BMPER: variants seen among roughly 807,000 people sequenced by gnomAD.
BMPER encodes BMP-binding endothelial regulator protein.
BMPER carries 45 observed loss-of-function variants against 87.3 expected under a neutral mutation model. The ratio of observed to expected loss-of-function variants is 0.52; its 90% CI spans 0.41 to 0.66. BMPER has a LOEUF of 0.66. Ranked by LOEUF, BMPER falls within the 30% of genes least tolerant of loss-of-function variation. The probability of loss-of-function intolerance (pLI) is 0.00; values close to 1 mark genes in which losing one functional copy is unlikely to be tolerated. For synonymous variants in BMPER, 326 were observed against 316.2 expected (o/e 1.03, Z -0.33); for missense variants, 784 against 867.5 (o/e 0.90, Z 1.21).
intron 13 of BMPER, among the ~76,000 whole-genome samples, chr7:34,094,831 T>A (rs1419793977): frequency 5.9e-5 from 9 of 152,202 alleles, no homozygotes; most frequent in Non-Finnish European, 1.3e-4. Flanking sequence ...TCAGTCAAGG[T>A]CAATTTCATT....
chr7:33,974,908 C>T, intron 6 of BMPER, 124 bp downstream of exon 6: 1 of 966,642 alleles, frequency 1.0e-6, no homozygotes, highest in Non-Finnish European at 1.7e-6. Context: ...GTCCGTCCCT[C>T]CTGATGTGGA....
chr7:34,014,992 TA>T (rs1192693085), intron 6 of BMPER, among the ~76,000 whole-genome samples: 1 of 151,934 alleles, frequency 6.6e-6, no homozygotes, highest in Non-Finnish European at 1.5e-5. Context: ...TCCCTTCTTC[TA>T]GGGGGGAGGC....
At chr7:34,011,583 C>CAAAAAAAAAAAAAAAAAA (rs36022297) in intron 6 of BMPER, among the ~76,000 whole-genome samples, 4 of 45,762 alleles carry the variant, frequency 8.7e-5, no homozygotes, top group African/African-American at 2.6e-4. Flanking sequence ...TTGGTCAGGG[C>CAAAAAAAAAAAAAAAAAA]AAAAAAAAAA....
chr7:34,079,128 C>T lies in BMPER; in HGVS notation c.1350C>T (p.Arg450=). ...GCTCGCGCATCGCGCTCCCCTGCCG[C>T]GCGCCACACTTCCACATCGACCTGG... The part of the protein sequence containing the change: ...WNGSRIALPC[R]APHFHIDLDG... Residue 450 remains arginine (R), a synonymous_variant, in exon 12 of 15, where the codon CGC becomes CGT. Transcript: ENST00000649409. 1 of 1,613,926 alleles carries T rather than the reference C, an allele frequency of 6.2e-7. No individual in the cohort carries two copies. Among genetic ancestry groups the T allele is most frequent in the Non-Finnish European group, 8.5e-7 (1 of 1,179,960 alleles).
intron 6 of BMPER, among the ~76,000 whole-genome samples, chr7:34,030,981 G>A (rs1787504313): frequency 6.6e-6 from 1 of 151,466 alleles, no homozygotes; most frequent in Non-Finnish European, 1.5e-5. Context: ...GTGAATGTTG[G>A]CAGGTGTCAA....
chr7:34,109,773 CT>C (rs1450422097), intron 13 of BMPER, among the ~76,000 whole-genome samples: 4 of 152,186 alleles, frequency 2.6e-5, no homozygotes, highest in Non-Finnish European at 5.9e-5. Flanking sequence ...AATTCATTTT[CT>C]TTACTCCATT....
intron 12 of BMPER, among the ~76,000 whole-genome samples, chr7:34,084,279 C>T (rs576342870): frequency 3.9e-5 from 6 of 152,276 alleles, no homozygotes; most frequent in African/African-American, 4.8e-5. Flanking sequence ...CCAGCCTGGG[C>T]GACAGAGCAA....
chr7:33,933,445 T>G (rs1216264216), intron 2 of BMPER, among the ~76,000 whole-genome samples: 1 of 145,638 alleles, frequency 6.9e-6, no homozygotes, highest in Non-Finnish European at 1.5e-5. Context: ...GGTTAGGTTT[T>G]TTTTTTTTTT....
chr7:34,085,986 C>A lies in BMPER; in HGVS notation c.1639C>A (p.Gln547Lys). 6.2e-7 allele frequency: 1 copy of A among 1,614,118 alleles called. No homozygotes were observed. The highest frequency in any genetic ancestry group is 1.1e-5 in the South Asian group (1 of 91,070). The change falls in exon 13 of 15, where the codon CAA (glutamine) becomes AAA (lysine). Residue 547 changes from glutamine (Q) to lysine (K), a missense_variant. By Grantham distance (53) the Gln-to-Lys change is moderately conservative. Transcript: ENST00000649409. The stretch of plus-strand genomic sequence containing the variant: ...GAGAAAGCCAGTGCCTGAACTGTGT[C>A]AAGGGACAGTCAAGGTAAAGCTCCG... ...PQRKPVPELCQGTVKVKLRAH... is the reference protein window; with the variant it reads ...PQRKPVPELCKGTVKVKLRAH...
At chr7:33,936,059 A>G (rs1784593505) in intron 2 of BMPER, among the ~76,000 whole-genome samples, 2 of 152,158 alleles carry the variant, frequency 1.3e-5, no homozygotes, top group African/African-American at 4.8e-5. Flanking sequence ...ACCCACACAC[A>G]CACACACCTG....
At chr7:33,974,039 C>T (rs145434100) in intron 5 of BMPER, among the ~76,000 whole-genome samples, 2 of 152,290 alleles carry the variant, frequency 1.3e-5, no homozygotes, top group Non-Finnish European at 2.9e-5. Flanking sequence ...TATGATACCT[C>T]CTGTCCTGCC....
intron 6 of BMPER, among the ~76,000 whole-genome samples, chr7:33,999,142 C>T (rs2127933721): frequency 6.6e-6 from 1 of 152,328 alleles, no homozygotes; most frequent in African/African-American, 2.4e-5. Flanking sequence ...GAAATCAAAC[C>T]TTTGTACACA....
chr7:34,130,169 C>T (rs1790545224), intron 13 of BMPER, among the ~76,000 whole-genome samples: 1 of 139,830 alleles, frequency 7.2e-6, no homozygotes, highest in Non-Finnish European at 1.5e-5. Flanking sequence ...AAAATGTGTT[C>T]AAGTCTTCTT....
chr7:34,027,253 A>G (rs1196174579), intron 6 of BMPER, among the ~76,000 whole-genome samples: 2 of 152,110 alleles, frequency 1.3e-5, no homozygotes, highest in African/African-American at 4.8e-5. Context: ...TAACACAAAG[A>G]CACTATTTGC....
intron 11 of BMPER, among the ~76,000 whole-genome samples, chr7:34,065,243 T>TCTCTCTCTCTCTCC (rs1243528612): frequency 6.1e-5 from 8 of 130,366 alleles, no homozygotes; most frequent in African/African-American, 2.2e-4. Context: ...TCTCTCTCTC[T>TCTCTCTCTCTCTCC]CTCTCCCTCT....
intron 3 of BMPER, among the ~76,000 whole-genome samples, chr7:33,945,949 G>A (rs886683100): frequency 2.6e-5 from 4 of 152,154 alleles, no homozygotes; most frequent in African/African-American, 4.8e-5. Context: ...GTACCATCTG[G>A]TTGGGAAGTT....
intron 6 of BMPER, among the ~76,000 whole-genome samples, chr7:34,036,024 A>G (rs2127953310): frequency 6.6e-6 from 1 of 152,290 alleles, no homozygotes; most frequent in Non-Finnish European, 1.5e-5. Context: ...GTTGTGATGT[A>G]GATAGCCTGG....
intron 3 of BMPER, among the ~76,000 whole-genome samples, chr7:33,958,239 C>G (rs1044377636): frequency 1.3e-5 from 2 of 152,306 alleles, no homozygotes; most frequent in African/African-American, 4.8e-5. Context: ...AGCATAAACA[C>G]TTCTAAATAT....
intron 11 of BMPER, among the ~76,000 whole-genome samples, chr7:34,078,039 T>C (rs1450463328): frequency 6.6e-6 from 1 of 152,210 alleles, no homozygotes; most frequent in African/African-American, 2.4e-5. Flanking sequence ...CCAAGATTTG[T>C]TTTAAAAAAT....
Sources: gnomAD v4.1 joint callset for allele counts (sites outside exome capture counted in the v4.1 genomes callset) on GRCh38, gnomAD v4.1.1 for gene constraint, MANE v1.5 for transcripts, NCBI Gene and HGNC (gene_info 2026-07-23, HGNC 2026-07-21) for gene names.